The following TTC28 variants were observed in gnomAD, a reference collection of about 807,000 sequenced individuals.
TTC28 encodes the protein tetratricopeptide repeat protein 28.
In TTC28, 61 loss-of-function variants were observed where a neutral mutation model predicts 198.0. The ratio of observed to expected loss-of-function variants is 0.31; its 90% CI spans 0.25 to 0.38. The LOEUF (loss-of-function observed/expected upper bound fraction) is 0.38. Ranked by LOEUF, TTC28 falls within the 10% of genes least tolerant of loss-of-function variation. The pLI, the probability that TTC28 is intolerant of heterozygous loss-of-function variation, is 1.00. For synonymous variants in TTC28, 1,171 were observed against 1,297.8 expected (o/e 0.90, Z 2.10); for missense variants, 2,678 against 3,164.0 (o/e 0.85, Z 3.69).
In TTC28 at chr22:28,458,664, G is replaced by A. The variant is rs552397930; in HGVS notation, c.382-152021C>T. On this transcript the variant is annotated intron_variant, in intron 2 of 22. Transcript: ENST00000397906. ...TGGGAGGCCGAGGTGGGTGGATCAC[G>A]AGGTCAGGAGATTGAGACCATCCTG... 7.9e-5 allele frequency among the ~76,000 whole-genome samples: 12 copies of A among 151,500 alleles called. No individual in the cohort carries two copies. The East Asian group carries it at 9.9e-4, about 12-fold the overall frequency.
At chr22:28,506,315 T>C (rs2048612079) in intron 2 of TTC28, among the ~76,000 whole-genome samples, 1 of 151,938 alleles carries the variant, frequency 6.6e-6, no homozygotes, top group South Asian at 2.1e-4. Context: ...GCTTCTTTAA[T>C]TGCGACCCTG....
intron 2 of TTC28, among the ~76,000 whole-genome samples, chr22:28,604,753 G>A (rs2050703849): frequency 6.6e-6 from 1 of 151,872 alleles, no homozygotes; most frequent in African/African-American, 2.4e-5. Context: ...TCAAAAAAAA[G>A]AAAGAAAGAA....
Position 28,296,202 on chromosome 22 carries a change from C to A in TTC28, c.929G>T (p.Arg310Leu). 6.5e-7 allele frequency: 1 copy of A among 1,546,282 alleles called. No homozygotes were observed. Among genetic ancestry groups the A allele is most frequent in the East Asian group, 2.4e-5 (1 of 40,876 alleles). ...GTCTGCAGATAAACTTCCTACCTCT[C>A]GATCTTTGAGTTTCATGGCGAGTAC... The part of the protein sequence containing the change: ...QLVLAMKLKD[R>L]EAASSALSSL... Residue 310 changes from arginine (R) to leucine (L), a missense_variant, in exon 5 of 23, where the codon CGA becomes CTA. Coordinates refer to ENST00000397906, the MANE Select transcript of TTC28 (RefSeq NM_001145418.2).
rs747169297 is a variant in TTC28 at position 27,983,108 on chromosome 22, C to T, written c.6559G>A (p.Val2187Met). 36 of 1,551,650 alleles carry T rather than the reference C, an allele frequency of 2.3e-5. No individual in the cohort carries two copies. The African/African-American group carries it at 4.1e-4, about 18-fold the overall frequency. The change falls in exon 23 of 23, where the codon GTG (valine) becomes ATG (methionine). Residue 2187 changes from valine to methionine, a missense_variant. Val to Met is a conservative substitution (Grantham distance 21). Around this residue, in one of 8 missense-constraint regions of TTC28, gnomAD observed 622 missense variants for 656.0 expected, o/e 0.95. Transcript: ENST00000397906. Reference sequence around the variant, plus strand: ...TCTTCAGGGTTATTACTCTTGCTCACCTGGCCGCCGCTCCTCTGAAGACGC... The same window carrying T: ...TCTTCAGGGTTATTACTCTTGCTCATCTGGCCGCCGCTCCTCTGAAGACGC... ...VERLQRSGGQ[V>M]SKSNNPEDGV...
At chr22:28,053,736 A>G (rs914389269) in intron 12 of TTC28, among the ~76,000 whole-genome samples, 1 of 152,138 alleles carries the variant, frequency 6.6e-6, no homozygotes, top group Non-Finnish European at 1.5e-5. Flanking sequence ...AGTTACTGGG[A>G]CAGCTACATT....
chr22:28,634,294 G>C (rs1002895405), intron 1 of TTC28, among the ~76,000 whole-genome samples: 1 of 152,014 alleles, frequency 6.6e-6, no homozygotes. Context: ...GGCAGATCAC[G>C]AGGTCAAGAG....
intron 12 of TTC28, among the ~76,000 whole-genome samples, chr22:28,083,123 T>C (rs1444257259): frequency 6.6e-6 from 1 of 151,742 alleles, no homozygotes; most frequent in East Asian, 1.9e-4. Context: ...CGCAGGAACC[T>C]GGATAAAGAT....
intron 5 of TTC28, among the ~76,000 whole-genome samples, chr22:28,242,894 G>A (rs1929762951): frequency 6.6e-6 from 1 of 151,864 alleles, no homozygotes; most frequent in African/African-American, 2.4e-5. Context: ...CTGATACACT[G>A]TCTCTCAAAG....
At chr22:28,009,937 AT>A (rs1427424665) in intron 14 of TTC28, among the ~76,000 whole-genome samples, 1 of 152,192 alleles carries the variant, frequency 6.6e-6, no homozygotes, top group Non-Finnish European at 1.5e-5. Flanking sequence ...TGCTCTGATG[AT>A]TTACTTTAAT....
rs182193580 is a variant in TTC28 at position 28,586,063 on chromosome 22, G to A, written c.381+43489C>T. Among the ~76,000 whole-genome samples the A allele has an allele frequency of 3.6e-3, 548 of 151,776 alleles. 3 individuals carry two copies. Among genetic ancestry groups the A allele is most frequent in the African/African-American group, 0.013 (525 of 41,414 alleles). On this transcript the variant is annotated intron_variant, in intron 2 of 22. Coordinates refer to ENST00000397906, the MANE Select transcript of TTC28 (RefSeq NM_001145418.2). ...TGGGAGGCTGAGGCGGTCAAATCAC[G>A]AGGTCAGGAGATTGAGACCATCCTG...
intron 2 of TTC28, among the ~76,000 whole-genome samples, chr22:28,354,061 C>T (rs1013060262): frequency 6.6e-6 from 1 of 152,136 alleles, no homozygotes; most frequent in African/African-American, 2.4e-5. Flanking sequence ...AGAGAAATTG[C>T]AACTGTGGTG....
intron 6 of TTC28, among the ~76,000 whole-genome samples, chr22:28,152,417 C>G (rs1398622258): frequency 6.6e-6 from 1 of 152,098 alleles, no homozygotes; most frequent in East Asian, 1.9e-4. Flanking sequence ...ATGGCTCCCA[C>G]TCAGATCCAC....
intron 2 of TTC28, among the ~76,000 whole-genome samples, chr22:28,421,499 G>C (rs945177893): frequency 3.9e-5 from 6 of 152,014 alleles, no homozygotes; most frequent in Non-Finnish European, 8.8e-5. Flanking sequence ...TAATGAGACT[G>C]GAATGTTGTC....
intron 6 of TTC28, among the ~76,000 whole-genome samples, chr22:28,131,085 C>T (rs1943050171): frequency 6.6e-6 from 1 of 152,182 alleles, no homozygotes; most frequent in African/African-American, 2.4e-5. Context: ...ACTATGGAAG[C>T]ATGTATCTCA....
chr22:28,635,537 C>T (rs1157851535), intron 1 of TTC28, among the ~76,000 whole-genome samples: 2 of 152,114 alleles, frequency 1.3e-5, no homozygotes, highest in African/African-American at 4.8e-5. Context: ...GATCCTCTGA[C>T]AAATTCATCT....
intron 5 of TTC28, among the ~76,000 whole-genome samples, chr22:28,177,443 TG>T (rs34573262): frequency 6.6e-6 from 1 of 152,226 alleles, no homozygotes; most frequent in Non-Finnish European, 1.5e-5. Context: ...GGAAGACAGT[TG>T]GGCAATTTCT....
intron 3 of TTC28, among the ~76,000 whole-genome samples, chr22:28,302,227 G>A (rs2045041506): frequency 6.6e-6 from 1 of 152,148 alleles, no homozygotes; most frequent in South Asian, 2.1e-4. Flanking sequence ...TGTTTTCTAG[G>A]AACTGCAGAT....
chr22:28,531,724 G>T (rs1417758700), intron 2 of TTC28, among the ~76,000 whole-genome samples: 5 of 152,166 alleles, frequency 3.3e-5, no homozygotes, highest in African/African-American at 1.2e-4. Context: ...AGACCACAGT[G>T]CAATCAAACT....
At chr22:28,583,368 G>C (rs73430165) in intron 2 of TTC28, among the ~76,000 whole-genome samples, 2,578 of 152,124 alleles carry the variant, frequency 0.017, 72 homozygotes, top group African/African-American at 0.06. Flanking sequence ...AATTGCACTG[G>C]GACAGTAGAA....
Sources: gnomAD v4.1 joint callset for allele counts (sites outside exome capture counted in the v4.1 genomes callset) on GRCh38, gnomAD v4.1.1 for gene constraint, gnomAD v4.1.1 regional missense constraint, MANE v1.5 for transcripts, NCBI Gene and HGNC (gene_info 2026-07-23, HGNC 2026-07-21) for gene names.